FREM3: variants seen among roughly 807,000 people sequenced by gnomAD.
The protein encoded by FREM3 is FRAS1-related extracellular matrix protein 3.
FREM3 carries 105 observed loss-of-function variants against 129.1 expected under a neutral mutation model. The ratio of observed to expected loss-of-function variants is 0.81; its 90% confidence interval spans 0.69 to 0.96. The LOEUF (loss-of-function observed/expected upper bound fraction) is 0.96, where lower values mean the gene tolerates loss of function less well. FREM3 is among the 40% of genes least tolerant of loss of function. FREM3 has a pLI of 0.00. For synonymous variants in FREM3, 1,014 were observed against 1,044.9 expected (o/e 0.97, Z 0.57); for missense variants, 2,593 against 2,666.3 (o/e 0.97, Z 0.61).
intron 5 of FREM3, among the ~76,000 whole-genome samples, chr4:143,616,084 T>C (rs1196471091): frequency 1.3e-5 from 2 of 152,206 alleles, no homozygotes; most frequent in African/African-American, 2.4e-5. Flanking sequence ...ACATGTAAGA[T>C]TTTAGATGCA....
chr4:143,590,004 T>C (rs1375289882), intron 6 of FREM3, among the ~76,000 whole-genome samples: 1 of 152,120 alleles, frequency 6.6e-6, no homozygotes, highest in Non-Finnish European at 1.5e-5. Context: ...TTTGAAGCAA[T>C]TGTGAACGGG....
chr4:143,646,921 G>A (rs927000041), intron 2 of FREM3, among the ~76,000 whole-genome samples: 19 of 152,162 alleles, frequency 1.2e-4, no homozygotes, highest in Non-Finnish European at 2.8e-4. Flanking sequence ...CTAGAGACTT[G>A]TAGGGCTCAG....
At chr4:143,595,899 A>AAAAAAAAAAAC (rs1249274151) in intron 6 of FREM3, among the ~76,000 whole-genome samples, 1 of 151,718 alleles carries the variant, frequency 6.6e-6, no homozygotes, top group Non-Finnish European at 1.5e-5. Context: ...GAAAAAAAAA[A>AAAAAAAAAAAC]AAAAAGAAGG....
Position 143,577,812 on chromosome 4 carries a change from A to G in FREM3, c.6219T>C (p.Phe2073=), listed in dbSNP as rs1369932659. The change falls in exon 8 of 8, where the codon TTT becomes TTC. Residue 2073 remains phenylalanine, a synonymous_variant. Transcript: ENST00000329798. The part of the protein sequence containing the change: ...DYVGISRNLD[F]APGVRMQTFQ... Reference sequence around the variant, plus strand: ...ATGTCTGCATGCGCACGCCTGGAGCAAAGTCCAGGTTTCGGCTGATACCAA... The same window carrying G: ...ATGTCTGCATGCGCACGCCTGGAGCGAAGTCCAGGTTTCGGCTGATACCAA... 1 of 1,537,288 alleles carries G rather than the reference A, an allele frequency of 6.5e-7. No individual in the cohort carries two copies. The highest frequency in any genetic ancestry group is 2.0e-5 in the Admixed American group (1 of 50,990).
At position 143,698,870 on chromosome 4, in the gene FREM3, A is replaced by G. The variant is rs1740633415; in HGVS notation, c.1806T>C (p.Gly602=). The change falls in exon 1 of 8, where the codon GGT becomes GGC. Residue 602 remains glycine (G), a synonymous_variant. Transcript: ENST00000329798. ...CCAGGTAGTGGCCTGAGTGGGAGGA[A>G]CCAGGGGCCAACTCCCACTGAGGCT... ...EEEPQWELAP[G]SSHSGHYLGD... 6.5e-7 allele frequency: 1 copy of G among 1,537,548 alleles called. No homozygotes were observed. The highest frequency in any genetic ancestry group is 1.2e-5 in the South Asian group (1 of 84,054).
intron 2 of FREM3, among the ~76,000 whole-genome samples, chr4:143,682,480 C>A (rs1740271643): frequency 6.6e-6 from 1 of 152,216 alleles, no homozygotes; most frequent in African/African-American, 2.4e-5. Flanking sequence ...TGAGAAACTT[C>A]TAGCGGGTAT....
At chr4:143,589,715 G>A (rs2149834540) in intron 6 of FREM3, among the ~76,000 whole-genome samples, 1 of 152,208 alleles carries the variant, frequency 6.6e-6, no homozygotes, top group Admixed American at 6.5e-5. Flanking sequence ...GATTGACTTG[G>A]CGATGTGGGC....
Position 143,696,926 on chromosome 4 carries a change from C to G in FREM3, c.3750G>C (p.Gln1250His). The G allele has an allele frequency of 6.5e-7, 1 of 1,537,386 alleles. No homozygotes were observed. The highest frequency in any genetic ancestry group is 8.7e-7 in the Non-Finnish European group (1 of 1,146,960). ...CCTTGAGGGTGAAGCTGTGGATGGG[C>G]TGGCTGCCTGTAGCCAGCTGCTGTA... The part of the protein sequence containing the change: ...RIIQQLATGS[Q>H]PIHSFTLKEI... The change falls in exon 1 of 8, where the codon CAG becomes CAC. Residue 1250 changes from glutamine to histidine, a missense_variant. By Grantham distance (24) the Gln-to-His change is conservative (BLOSUM62 0). This residue lies in a region of FREM3 where 2,276 missense variants were observed against 2,267.2 expected (regional missense o/e 1.00). Coordinates refer to ENST00000329798, the MANE Select transcript of FREM3 (RefSeq NM_001168235.2).
At chr4:143,640,789 T>C (rs767936825) in intron 2 of FREM3, among the ~76,000 whole-genome samples, 6 of 152,194 alleles carry the variant, frequency 3.9e-5, no homozygotes, top group Non-Finnish European at 8.8e-5. Context: ...AAATACTGTA[T>C]GTACAGCCAG....
At chr4:143,591,828 T>C (rs1738368500) in intron 6 of FREM3, among the ~76,000 whole-genome samples, 1 of 152,182 alleles carries the variant, frequency 6.6e-6, no homozygotes, top group Non-Finnish European at 1.5e-5. Context: ...CTGTCTAATG[T>C]TGACAGTCGG....
rs1038653688 is a variant in FREM3, at chr4:143,578,844, G to A, written c.6179-992C>T. Among the ~76,000 whole-genome samples the A allele has an allele frequency of 3.3e-5, 5 of 152,306 alleles. No individual in the cohort carries two copies. The South Asian group carries it at 6.2e-4, about 19-fold the overall frequency. On this transcript the variant is annotated intron_variant, in intron 7 of 7. Transcript: ENST00000329798. ...GAAGAAAACAAAAGCAGACATGACA[G>A]CTAAATATAATGCATGATTTAGAAC... is the stretch of plus-strand genomic sequence containing the variant.
chr4:143,639,610 AGTT>A (rs1316189770), intron 2 of FREM3, among the ~76,000 whole-genome samples: 1 of 152,150 alleles, frequency 6.6e-6, no homozygotes, highest in Non-Finnish European at 1.5e-5. Context: ...ACTCAGCAAA[AGTT>A]GTTGTAACTT....
At position 143,577,392 on chromosome 4, in the gene FREM3, A is replaced by G. The variant is rs1375443330; in HGVS notation, c.*219T>C. The G allele has an allele frequency of 1.9e-5, 10 of 525,290 alleles. No homozygotes were observed. In the East Asian group the frequency reaches 3.0e-4, roughly 16 times the overall value. The allele number at this position is 525,290 out of a possible 1,614,324, so 32.5% of individuals were successfully genotyped here. On this transcript the variant is annotated 3_prime_UTR_variant, in exon 8 of 8. Coordinates refer to ENST00000329798, the MANE Select transcript of FREM3 (RefSeq NM_001168235.2). Reference sequence around the variant, plus strand: ...TAAAACAAAATAGAAAAAGAACATGAACACAGTCTAATTATTTGTGGGCTC... The same window carrying G: ...TAAAACAAAATAGAAAAAGAACATGGACACAGTCTAATTATTTGTGGGCTC...
chr4:143,587,903 G>A (rs1738269811), intron 6 of FREM3, among the ~76,000 whole-genome samples: 1 of 152,238 alleles, frequency 6.6e-6, no homozygotes, highest in Admixed American at 6.5e-5. Flanking sequence ...CCTCTAGATG[G>A]CACCTTTGGA....
intron 2 of FREM3, among the ~76,000 whole-genome samples, chr4:143,668,178 G>A (rs1445772528): frequency 6.6e-6 from 1 of 152,162 alleles, no homozygotes; most frequent in Non-Finnish European, 1.5e-5. Context: ...TACAGGGCTG[G>A]AAAGTGACTC....
At chr4:143,610,186 G>A (rs1738733391) in intron 6 of FREM3, among the ~76,000 whole-genome samples, 8 of 152,018 alleles carry the variant, frequency 5.3e-5, no homozygotes, top group Admixed American at 5.2e-4. Flanking sequence ...TATTTTTAAT[G>A]GAGCAAAAGT....
At chr4:143,637,332 C>T (rs1739249149) in intron 2 of FREM3, among the ~76,000 whole-genome samples, 1 of 152,098 alleles carries the variant, frequency 6.6e-6, no homozygotes, top group African/African-American at 2.4e-5. Context: ...GATTAGGTAA[C>T]AGAAAAAGCC....
intron 2 of FREM3, among the ~76,000 whole-genome samples, chr4:143,679,115 T>C (rs955708248): frequency 6.6e-6 from 1 of 152,190 alleles, no homozygotes; most frequent in Admixed American, 6.5e-5. Flanking sequence ...TTGATAGCAG[T>C]CTTCTGGTCT....
chr4:143,691,430 A>G (rs1740468533), intron 2 of FREM3, among the ~76,000 whole-genome samples: 1 of 152,084 alleles, frequency 6.6e-6, no homozygotes, highest in Non-Finnish European at 1.5e-5. Context: ...AAAAAAAAAG[A>G]AAGTGCAGCC....
Sources: gnomAD v4.1 joint callset for allele counts (sites outside exome capture counted in the v4.1 genomes callset) on GRCh38, gnomAD v4.1.1 for gene constraint, gnomAD v4.1.1 regional missense constraint, MANE v1.5 for transcripts, NCBI Gene and HGNC (gene_info 2026-07-23, HGNC 2026-07-21) for gene names.